Variants in LSAMP observed in about 807,000 individuals in gnomAD.
LSAMP encodes limbic system associated membrane protein.
A neutral mutation model predicts 38.6 loss-of-function variants in LSAMP; 7 were observed. The observed-to-expected ratio is 0.18, with a 90% CI of 0.10 to 0.34. The LOEUF (loss-of-function observed/expected upper bound fraction) is 0.34. LSAMP is among the 10% of genes least tolerant of loss of function. LSAMP has a pLI of 1.00. For synonymous variants in LSAMP, 154 were observed against 166.8 expected (o/e 0.92, Z 0.59); for missense variants, 313 against 420.0 (o/e 0.75, Z 2.23).
At chr3:116,035,777 G>T (rs922293701) in intron 2 of LSAMP, among the ~76,000 whole-genome samples, 1 of 152,148 alleles carries the variant, frequency 6.6e-6, no homozygotes, top group Non-Finnish European at 1.5e-5. Flanking sequence ...CTTCTGAATG[G>T]TATTCTCAAT....
intron 3 of LSAMP, among the ~76,000 whole-genome samples, chr3:115,920,022 T>G (rs890845275): frequency 2.0e-5 from 3 of 148,574 alleles, no homozygotes; most frequent in Non-Finnish European, 3.0e-5. Flanking sequence ...AACTTAGAAT[T>G]TCCTTCCTTG....
intron 1 of LSAMP, among the ~76,000 whole-genome samples, chr3:116,210,686 T>C (rs945165876): frequency 1.3e-5 from 2 of 152,230 alleles, no homozygotes; most frequent in Non-Finnish European, 2.9e-5. Context: ...CATATATACA[T>C]ATATCCTATT....
intron 1 of LSAMP, among the ~76,000 whole-genome samples, chr3:116,383,454 G>C (rs996405472): frequency 7.2e-5 from 11 of 152,044 alleles, no homozygotes; most frequent in African/African-American, 2.7e-4. Context: ...TTATTTTAAA[G>C]CAATAAGTAC....
intron 2 of LSAMP, among the ~76,000 whole-genome samples, chr3:116,059,017 C>T (rs571000198): frequency 6.6e-6 from 1 of 152,024 alleles, no homozygotes; most frequent in Admixed American, 6.5e-5. Context: ...GCCTTCGATA[C>T]ATAAAGGGCT....
intron 1 of LSAMP, among the ~76,000 whole-genome samples, chr3:116,094,319 T>C (rs756907849): frequency 6.6e-6 from 1 of 152,220 alleles, no homozygotes; most frequent in South Asian, 2.1e-4. Context: ...CTAGCTTTAG[T>C]TCTTTTCACA....
rs72955597 is a variant in LSAMP, at chr3:115,946,462, A to G, written c.514+73053T>C. Among the ~76,000 whole-genome samples the G allele has an allele frequency of 7.0e-3, 1,065 of 152,328 alleles. 7 individuals are homozygous for G. The highest frequency in any genetic ancestry group is 0.023 in the African/African-American group (946 of 41,584). On this transcript the variant is annotated intron_variant, in intron 3 of 6. Coordinates refer to ENST00000490035, the MANE Select transcript of LSAMP (RefSeq NM_002338.5). ...TCTATGTGAGGGCAAGATGCCAAGAAGCCAGGCAGAAAACAGCTGCTAAGA... is the reference window on the plus strand; with the variant it reads ...TCTATGTGAGGGCAAGATGCCAAGAGGCCAGGCAGAAAACAGCTGCTAAGA...
At chr3:115,912,017 TG>T (rs1282118924) in intron 3 of LSAMP, among the ~76,000 whole-genome samples, 3 of 152,212 alleles carry the variant, frequency 2.0e-5, no homozygotes, top group Admixed American at 6.5e-5. Flanking sequence ...AAAATTAGAT[TG>T]TTTTTTGCTG....
chr3:115,915,718 C>T (rs1475193110), intron 3 of LSAMP, among the ~76,000 whole-genome samples: 11 of 151,908 alleles, frequency 7.2e-5, no homozygotes, highest in Admixed American at 6.6e-5. Flanking sequence ...CTGCAACTTC[C>T]GCCTCCCGGG....
chr3:116,137,558 A>C (rs1193171197), intron 1 of LSAMP, among the ~76,000 whole-genome samples: 2 of 152,156 alleles, frequency 1.3e-5, no homozygotes, highest in African/African-American at 4.8e-5. Flanking sequence ...TAACATATAC[A>C]TCCTTTGAGA....
intron 1 of LSAMP, among the ~76,000 whole-genome samples, chr3:116,443,986 A>G (rs891760854): frequency 1.2e-4 from 18 of 152,172 alleles, no homozygotes; most frequent in Non-Finnish European, 2.1e-4. Flanking sequence ...AGTACCTGAT[A>G]GGGGTCAAAC....
intron 1 of LSAMP, among the ~76,000 whole-genome samples, chr3:116,135,771 C>T (rs1196200993): frequency 6.6e-6 from 1 of 152,136 alleles, no homozygotes; most frequent in Non-Finnish European, 1.5e-5. Context: ...ATAAACTGTG[C>T]TTGTCCGTTG....
intron 3 of LSAMP, among the ~76,000 whole-genome samples, chr3:115,968,181 T>G (rs775565736): frequency 6.6e-6 from 1 of 152,032 alleles, no homozygotes; most frequent in Non-Finnish European, 1.5e-5. Flanking sequence ...TGCTTGGTGC[T>G]CTACTGCACT....
At chr3:116,253,633 G>A (rs559399307) in intron 1 of LSAMP, among the ~76,000 whole-genome samples, 1 of 152,284 alleles carries the variant, frequency 6.6e-6, no homozygotes, top group South Asian at 2.1e-4. Flanking sequence ...GTCCTGTGGA[G>A]CTTCCTTTTC....
intron 1 of LSAMP, among the ~76,000 whole-genome samples, chr3:116,227,981 A>G (rs1235016564): frequency 6.6e-6 from 1 of 152,142 alleles, no homozygotes; most frequent in East Asian, 1.9e-4. Flanking sequence ...TATGCTTGTA[A>G]ATAGTGACCA....
At chr3:116,322,567 T>C (rs1444499292) in intron 1 of LSAMP, among the ~76,000 whole-genome samples, 1 of 152,184 alleles carries the variant, frequency 6.6e-6, no homozygotes, top group Admixed American at 6.5e-5. Flanking sequence ...TGTGGAAGCA[T>C]TTTGTTTACC....
At chr3:116,263,671 T>G in intron 1 of LSAMP, among the ~76,000 whole-genome samples, 1 of 5,714 alleles carries the variant, frequency 1.8e-4, no homozygotes, top group Admixed American at 3.4e-3. Flanking sequence ...TTATATTGCA[T>G]TTTATTAAAT....
chr3:116,207,913 C>G (rs367977621), intron 1 of LSAMP, among the ~76,000 whole-genome samples: 1 of 149,170 alleles, frequency 6.7e-6, no homozygotes, highest in Admixed American at 6.7e-5. Context: ...ATCTTTGTGG[C>G]GTTCTCTGTA....
intron 3 of LSAMP, among the ~76,000 whole-genome samples, chr3:116,014,246 T>C (rs1362673193): frequency 1.3e-5 from 2 of 152,176 alleles, no homozygotes; most frequent in Non-Finnish European, 2.9e-5. Context: ...TATTGAACTA[T>C]AAGCTTCATT....
In LSAMP at chr3:115,927,578, T is replaced by C. The variant is rs537438686; in HGVS notation, c.515-74961A>G. Among the ~76,000 whole-genome samples, 6 of 152,356 alleles carry C rather than the reference T, an allele frequency of 3.9e-5. No individual in the cohort carries two copies. In the South Asian group the frequency reaches 1.2e-3, roughly 32 times the overall value. ...TATTTTATTTTTGATGGAAAGGTTC[T>C]GCATTCCTCCTTTTCTTAACTCTTT... is the stretch of plus-strand genomic sequence containing the variant. On this transcript the variant is annotated intron_variant, in intron 3 of 6. Transcript: ENST00000490035.
Sources: allele counts gnomAD v4.1 joint callset (sites outside exome capture counted in the v4.1 genomes callset), GRCh38; gene constraint gnomAD v4.1.1; transcripts MANE v1.5; gene names NCBI Gene and HGNC (gene_info 2026-07-23, HGNC 2026-07-21).